RERE: variants seen among roughly 807,000 people sequenced by gnomAD.
RERE encodes arginine-glutamic acid dipeptide repeats.
Under a neutral mutation model 146.1 loss-of-function variants are expected in RERE, and 40 were observed. That is an observed-to-expected ratio of 0.27 (90% CI 0.21 to 0.36). The LOEUF (loss-of-function observed/expected upper bound fraction) is 0.36. Among genes scored for constraint, RERE ranks in the 10% least tolerant of loss-of-function variants. RERE has a pLI of 1.00. For synonymous variants in RERE, 1,003 were observed against 866.0 expected, an observed-to-expected ratio of 1.16 and a Z score of -2.78; for missense variants, 1,933 against 2,138.7, an observed-to-expected ratio of 0.90 and a Z score of 1.90.
intron 6 of RERE, among the ~76,000 whole-genome samples, chr1:8,543,717 A>G (rs1289564469): frequency 1.3e-5 from 2 of 152,194 alleles, no homozygotes; most frequent in Non-Finnish European, 2.9e-5. Flanking sequence ...AAGCACCCAT[A>G]CACATTTCTT....
At chr1:8,606,057 C>T (rs891288552) in intron 4 of RERE, among the ~76,000 whole-genome samples, 3 of 151,908 alleles carry the variant, frequency 2.0e-5, no homozygotes, top group African/African-American at 4.8e-5. Context: ...TTCAAGCAAT[C>T]CTCCAGTCTT....
At chr1:8,451,082 T>C (rs1570261581) in intron 11 of RERE, among the ~76,000 whole-genome samples, 2 of 152,314 alleles carry the variant, frequency 1.3e-5, no homozygotes, top group Admixed American at 6.5e-5. Context: ...TGGTTCCCCA[T>C]GTTCTCTATG....
At chr1:8,764,350 A>C (rs1160941447) in intron 1 of RERE, among the ~76,000 whole-genome samples, 3 of 152,178 alleles carry the variant, frequency 2.0e-5, no homozygotes, top group Admixed American at 2.0e-4. Flanking sequence ...GGAAACAAGG[A>C]ACACACAAAA....
intron 4 of RERE, among the ~76,000 whole-genome samples, chr1:8,577,358 T>A (rs556614391): frequency 5.3e-5 from 8 of 152,332 alleles, no homozygotes; most frequent in African/African-American, 1.9e-4. Flanking sequence ...TTCTTTTTTA[T>A]GTAGCTAGCC....
chr1:8,784,949 ACAAAG>A (rs1641234224), intron 1 of RERE, among the ~76,000 whole-genome samples: 1 of 152,216 alleles, frequency 6.6e-6, no homozygotes, highest in Non-Finnish European at 1.5e-5. Flanking sequence ...TGCTTAAGCA[ACAAAG>A]GGTGGCCAGC....
intron 7 of RERE, among the ~76,000 whole-genome samples, chr1:8,533,353 G>C (rs1645682443): frequency 6.6e-6 from 1 of 152,132 alleles, no homozygotes; most frequent in South Asian, 2.1e-4. Context: ...GAAGCTTCCA[G>C]TATTTGAAGT....
chr1:8,799,873 G>C (rs966939563), intron 1 of RERE, among the ~76,000 whole-genome samples: 1 of 151,290 alleles, frequency 6.6e-6, no homozygotes, highest in Admixed American at 6.6e-5. Context: ...GTGCAGTGGC[G>C]CAATTTCCGC....
At chr1:8,585,792 T>C (rs754105925) in intron 4 of RERE, among the ~76,000 whole-genome samples, 5 of 152,200 alleles carry the variant, frequency 3.3e-5, no homozygotes, top group Non-Finnish European at 7.3e-5. Flanking sequence ...CTTTCCTATA[T>C]AAATTGTGCA....
intron 4 of RERE, among the ~76,000 whole-genome samples, chr1:8,568,321 A>C (rs1646176823): frequency 6.6e-6 from 1 of 152,234 alleles, no homozygotes; most frequent in East Asian, 1.9e-4. Context: ...TTTGGTTCTG[A>C]GGCTTTTGAA....
intron 2 of RERE, among the ~76,000 whole-genome samples, chr1:8,655,538 G>A (rs1389277998): frequency 1.3e-5 from 2 of 152,130 alleles, no homozygotes; most frequent in East Asian, 3.9e-4. Context: ...CCTCTCTAGA[G>A]TCTGGTCGAT....
intron 12 of RERE, among the ~76,000 whole-genome samples, chr1:8,401,696 G>T (rs1382110212): frequency 6.6e-6 from 1 of 150,730 alleles, no homozygotes; most frequent in Admixed American, 6.6e-5. Flanking sequence ...GGAGGTCGAG[G>T]CTGCAGTGAG....
chr1:8,359,319 C>T (rs760565525), intron 19 of RERE, among the ~76,000 whole-genome samples: 6 of 152,104 alleles, frequency 3.9e-5, no homozygotes, highest in Non-Finnish European at 7.4e-5. Flanking sequence ...AGAGAGCTGG[C>T]CACCACCACA....
At chr1:8,382,355 TCTTCAGG>T (rs1478191841) in intron 12 of RERE, among the ~76,000 whole-genome samples, 3 of 152,246 alleles carry the variant, frequency 2.0e-5, no homozygotes, top group African/African-American at 7.2e-5. Flanking sequence ...TATCCCAATT[TCTTCAGG>T]ACCAGGTGGC....
At chr1:8,789,894 C>G (rs563324843) in intron 1 of RERE, among the ~76,000 whole-genome samples, 64 of 152,304 alleles carry the variant, frequency 4.2e-4, no homozygotes, top group South Asian at 8.3e-4. Flanking sequence ...TTAATCCACA[C>G]CAATCTCTAA....
chr1:8,647,997 A>C (rs1647408561), intron 2 of RERE, among the ~76,000 whole-genome samples: 1 of 152,130 alleles, frequency 6.6e-6, no homozygotes, highest in Non-Finnish European at 1.5e-5. Context: ...ATATACAGAG[A>C]AGTGCAAAAT....
intron 1 of RERE, among the ~76,000 whole-genome samples, chr1:8,802,860 A>G (rs1279658222): frequency 6.6e-6 from 1 of 152,208 alleles, no homozygotes; most frequent in Admixed American, 6.5e-5. Context: ...ATTCATTTGA[A>G]TTAGGTCTTG....
In RERE at chr1:8,676,294, A is replaced by AT. The variant is rs1638838596; in HGVS notation, c.-144-19854dup. ...TGGGAATCTGACATCTGTCACATCA[A>AT]TATGTGCCTTATCTACTGATGGGGT... On this transcript the variant is annotated intron_variant, in intron 1 of 22. Coordinates refer to ENST00000400908, the MANE Select transcript of RERE (RefSeq NM_001042681.2). Among the ~76,000 whole-genome samples the AT allele has an allele frequency of 2.0e-5, 3 of 152,296 alleles. No homozygotes were observed. In the South Asian group the frequency reaches 6.2e-4, roughly 32 times the overall value.
chr1:8,509,190 G>A (rs1465512284), intron 7 of RERE, among the ~76,000 whole-genome samples: 1 of 151,896 alleles, frequency 6.6e-6, no homozygotes, highest in African/African-American at 2.4e-5. Flanking sequence ...CAAGGGATCC[G>A]CCTGCCTCGG....
intron 1 of RERE, among the ~76,000 whole-genome samples, chr1:8,656,981 T>C (rs536113619): frequency 6.6e-6 from 1 of 151,740 alleles, no homozygotes; most frequent in Admixed American, 6.6e-5. Flanking sequence ...CCTGAAAAAA[T>C]AGTAATAGTT....
Sources: gnomAD v4.1 joint callset for allele counts (sites outside exome capture counted in the v4.1 genomes callset) on GRCh38, gnomAD v4.1.1 for gene constraint, MANE v1.5 for transcripts, NCBI Gene and HGNC (gene_info 2026-07-23, HGNC 2026-07-21) for gene names.